CNN1: variants seen among roughly 807,000 people sequenced by gnomAD.
CNN1 encodes the protein calponin-1.
Under a neutral mutation model 35.3 loss-of-function variants are expected in CNN1, and 21 were observed. The ratio of observed to expected loss-of-function variants is 0.60; its 90% confidence interval spans 0.42 to 0.86. The LOEUF is 0.86. Among genes scored for constraint, CNN1 ranks in the 40% least tolerant of loss-of-function variants. The pLI, the probability that CNN1 is intolerant of heterozygous loss-of-function variation, is 0.00. For missense variants in CNN1, 314 were observed against 400.8 expected (o/e 0.78, Z 1.85); for synonymous variants, 164 against 161.8 (o/e 1.01, Z -0.10).
chr19:11,545,972 A>G (rs1000222449), intron 2 of CNN1, among the ~76,000 whole-genome samples: 2 of 149,480 alleles, frequency 1.3e-5, no homozygotes, highest in Admixed American at 1.3e-4. Flanking sequence ...CATCAAAAAG[A>G]AAAAAAAAAG....
chr19:11,547,634 A>G (rs1301256134), intron 4 of CNN1, among the ~76,000 whole-genome samples, 163 bp from the exon 5 acceptor site: 3 of 152,126 alleles, frequency 2.0e-5, no homozygotes, highest in Non-Finnish European at 2.9e-5. Flanking sequence ...AATGGTGTGA[A>G]GCCGGGAGGC....
At chr19:11,540,085 CCTAGGGGCTGGGAGCCTGG>C (rs1555742798) in intron 1 of CNN1, 1 of 1,025,110 alleles carries the variant, frequency 9.8e-7, no homozygotes, top group Non-Finnish European at 1.2e-6. Context: ...AGCCCGGTCC[CCTAGGGGCTGGGAGCCTGG>C]CTGGGCTTGG....
intron 2 of CNN1, among the ~76,000 whole-genome samples, chr19:11,543,080 G>T (rs1372941374): frequency 6.6e-6 from 1 of 152,184 alleles, no homozygotes; most frequent in East Asian, 1.9e-4. Context: ...GAATTGGCAG[G>T]TGGGGAGGTA....
chr19:11,549,349 G>T lies in CNN1; in HGVS notation c.528G>T (p.Gln176His), dbSNP rs749555005. The T allele has an allele frequency of 6.2e-7, 1 of 1,614,190 alleles. No individual in the cohort carries two copies. Among genetic ancestry groups the T allele is most frequent in the South Asian group, 1.1e-5 (1 of 91,088 alleles). ...TGGGCACCAACAAGTTTGCCAGCCA[G>T]CAGGGCATGACGGCCTATGGCACCC... Reference protein sequence around the residue: ...LQMGTNKFASQQGMTAYGTRR... With the variant: ...LQMGTNKFASHQGMTAYGTRR... The change falls in exon 6 of 7, where the codon CAG becomes CAT. Residue 176 changes from glutamine (Q) to histidine (H), a missense_variant. Transcript: ENST00000252456. The surrounding 1 kb of genome is among the most constrained non-coding windows in gnomAD (Gnocchi z 5.2).
chr19:11,538,933 C>A lies in CNN1; in HGVS notation c.6C>A (p.Ser2=). The A allele has an allele frequency of 6.3e-7, 1 of 1,591,798 alleles. No homozygotes were observed. Among genetic ancestry groups the A allele is most frequent in the Non-Finnish European group, 8.6e-7 (1 of 1,167,642 alleles). Residue 2 remains serine (S), a synonymous_variant, in exon 1 of 7, where the codon TCC becomes TCA. Transcript: ENST00000252456. Reference sequence around the variant, plus strand: ...GCCAGAGCCCACCGGCCAGCATGTCCTCTGCTCACTTCAACCGAGGCCCTG... The same window carrying A: ...GCCAGAGCCCACCGGCCAGCATGTCATCTGCTCACTTCAACCGAGGCCCTG... M[S]SAHFNRGPAY... is the part of the protein sequence containing the mutation.
intron 4 of CNN1, 30 bp downstream of exon 4, chr19:11,546,999 T>G (rs113148999): frequency 1.2e-6 from 2 of 1,609,804 alleles, no homozygotes; most frequent in Non-Finnish European, 1.7e-6. Context: ...GGGCAGGGGG[T>G]GGTGGGCAGC....
intron 2 of CNN1, among the ~76,000 whole-genome samples, chr19:11,545,887 G>A (rs1171589266): frequency 4.6e-5 from 7 of 151,392 alleles, no homozygotes; most frequent in Non-Finnish European, 7.4e-5. Context: ...GATCGCTGGA[G>A]CCTGGGAAGT....
In CNN1 at chr19:11,547,844, G is replaced by A. The variant is rs1045985969; in HGVS notation, c.438G>A (p.Glu146=). Residue 146 remains glutamate, a synonymous_variant, in exon 5 of 7, where the codon GAG becomes GAA. Transcript: ENST00000252456. ...NKVNVGVKYA[E]KQERKFEPGK... is the part of the protein sequence containing the mutation. ...TGAACGTGGGAGTGAAGTACGCAGAGAAGCAGGAGCGGAAATTCGAGCCGG... is the reference window on the plus strand; with the variant it reads ...TGAACGTGGGAGTGAAGTACGCAGAAAAGCAGGAGCGGAAATTCGAGCCGG... 2 of 1,614,034 alleles carry A rather than the reference G, an allele frequency of 1.2e-6. No individual in the cohort carries two copies. Among genetic ancestry groups the A allele is most frequent in the African/African-American group, 1.3e-5 (1 of 74,942 alleles).
chr19:11,543,456 C>T (rs1237879448), intron 2 of CNN1, among the ~76,000 whole-genome samples: 1 of 141,326 alleles, frequency 7.1e-6, no homozygotes, highest in Non-Finnish European at 1.6e-5. Context: ...TACCCTAGAA[C>T]TTAAAGTATA....
chr19:11,539,746 G>C (rs1172659313), intron 1 of CNN1: 1 of 1,038,554 alleles, frequency 9.6e-7, no homozygotes, highest in South Asian at 1.3e-5. Flanking sequence ...CTTTTCCCAG[G>C]GTCCCATGGT....
intron 1 of CNN1, 157 bp downstream of exon 1, chr19:11,539,147 CT>C (rs1230723764): frequency 3.5e-5 from 38 of 1,087,096 alleles, no homozygotes; most frequent in Non-Finnish European, 4.5e-5. Context: ...CTGTCTCCCC[CT>C]GAACATCCCG....
intron 2 of CNN1, among the ~76,000 whole-genome samples, chr19:11,544,995 T>A: frequency 6.6e-6 from 1 of 151,918 alleles, no homozygotes; most frequent in East Asian, 1.9e-4. Context: ...GGTCAGGAGT[T>A]CGAAACCAAC....
chr19:11,547,850 G>T lies in CNN1; in HGVS notation c.444G>T (p.Gln148His). 1 of 1,614,144 alleles carries T rather than the reference G, an allele frequency of 6.2e-7. No homozygotes were observed. Among genetic ancestry groups the T allele is most frequent in the Non-Finnish European group, 8.5e-7 (1 of 1,180,006 alleles). Residue 148 changes from glutamine (Q) to histidine (H), a missense_variant, in exon 5 of 7, where the codon CAG (glutamine) becomes CAT (histidine). By Grantham distance (24) the Gln-to-His change is conservative. Coordinates refer to ENST00000252456, the MANE Select transcript of CNN1 (RefSeq NM_001299.6). ...TGGGAGTGAAGTACGCAGAGAAGCA[G>T]GAGCGGAAATTCGAGCCGGGGAAGC... is the stretch of plus-strand genomic sequence containing the variant. ...VNVGVKYAEK[Q>H]ERKFEPGKLR...
rs376561788 is a variant in CNN1 at position 11,545,880 on chromosome 19, C to T, written c.186-795C>T. Among the ~76,000 whole-genome samples, 424 of 149,632 alleles carry T rather than the reference C, an allele frequency of 2.8e-3. 5 individuals are homozygous for T. Among genetic ancestry groups the T allele is most frequent in the African/African-American group, 9.2e-3 (371 of 40,512 alleles). On this transcript the variant is annotated intron_variant, in intron 2 of 6. Transcript: ENST00000252456. ...ACTCGGAAGGCTGAGGTGGGAGGATCGCTGGAGCCTGGGAAGTTGAGGCTG... is the reference window on the plus strand; with the variant it reads ...ACTCGGAAGGCTGAGGTGGGAGGATTGCTGGAGCCTGGGAAGTTGAGGCTG...
In CNN1 at chr19:11,547,922, T is replaced by A; in HGVS notation, c.501+15T>A. 1.9e-6 allele frequency: 3 copies of A among 1,607,508 alleles called. No homozygotes were observed. The highest frequency in any genetic ancestry group is 2.6e-6 in the Non-Finnish European group (3 of 1,175,980). On this transcript the variant is annotated intron_variant, in intron 5 of 6. Coordinates refer to ENST00000252456, the MANE Select transcript of CNN1 (RefSeq NM_001299.6). ...TTGGGCTGCAGGTACCGCCCTGTCC[T>A]CACTGCGCAGAGGTCATAGAGGCCA... is the stretch of plus-strand genomic sequence containing the variant.
intron 1 of CNN1, chr19:11,539,222 T>C: frequency 8.0e-7 from 1 of 1,257,762 alleles, no homozygotes; most frequent in Non-Finnish European, 1.0e-6. Flanking sequence ...ACAGAGGGGG[T>C]CAGTCCATTG....
At position 11,549,435 on chromosome 19, in the gene CNN1, G is replaced by T; in HGVS notation, c.614G>T (p.Ser205Ile). The T allele has an allele frequency of 1.2e-6, 2 of 1,613,870 alleles. No individual in the cohort carries two copies. The highest frequency in any genetic ancestry group is 8.5e-7 in the Non-Finnish European group (1 of 1,179,964). The change falls in exon 6 of 7, where the codon AGC (serine) becomes ATC (isoleucine). Residue 205 changes from serine to isoleucine, a missense_variant. Coordinates refer to ENST00000252456, the MANE Select transcript of CNN1 (RefSeq NM_001299.6). This position sits in a 1 kb window ranked among gnomAD's most constrained non-coding sequence, Gnocchi z 5.2. ...TDQPLDQATI[S>I]LQMGTNKGAS... The stretch of plus-strand genomic sequence containing the variant: ...CAGCCTCTGGACCAGGCGACCATCA[G>T]CCTGCAGATGGGCACCAACAAAGGA...
chr19:11,540,542 G>A (rs1401820597), intron 1 of CNN1: 1 of 152,916 alleles, frequency 6.5e-6, no homozygotes, highest in Non-Finnish European at 1.5e-5. Context: ...GGCTAAGACA[G>A]AGACAAGCCC....
At chr19:11,548,832 A>G (rs1972648559) in intron 5 of CNN1, among the ~76,000 whole-genome samples, 1 of 151,892 alleles carries the variant, frequency 6.6e-6, no homozygotes, top group Non-Finnish European at 1.5e-5. Context: ...GTGAGATGCT[A>G]TCTCAAATAA....
Sources: gnomAD v4.1 joint callset for allele counts (sites outside exome capture counted in the v4.1 genomes callset) on GRCh38, gnomAD v4.1.1 for gene constraint, Gnocchi (gnomAD v3.1) non-coding constraint, MANE v1.5 for transcripts, NCBI Gene and HGNC (gene_info 2026-07-23, HGNC 2026-07-21) for gene names.